Variants in DCDC2 observed in about 807,000 individuals in gnomAD.
DCDC2 encodes doublecortin domain-containing protein 2.
Under a neutral mutation model 50.2 loss-of-function variants are expected in DCDC2, and 40 were observed. The observed-to-expected ratio is 0.80, with a 90% CI of 0.62 to 1.04. The LOEUF (loss-of-function observed/expected upper bound fraction) is 1.04, where lower values mean the gene tolerates loss of function less well. Among genes scored for constraint, DCDC2 ranks in the 50% least tolerant of loss-of-function variants. The probability of loss-of-function intolerance (pLI) is 0.00; values close to 1 mark genes in which losing one functional copy is unlikely to be tolerated. For synonymous variants in DCDC2, 234 were observed against 210.6 expected, an observed-to-expected ratio of 1.11 and a Z score of -0.96; for missense variants, 570 against 581.9, an observed-to-expected ratio of 0.98 and a Z score of 0.21.
At chr6:24,319,607 G>A (rs1759735924) in intron 2 of DCDC2, among the ~76,000 whole-genome samples, 1 of 152,096 alleles carries the variant, frequency 6.6e-6, no homozygotes, top group Non-Finnish European at 1.5e-5. Flanking sequence ...ATTTTGTTAA[G>A]TGAAATACAG....
At chr6:24,271,087 G>A (rs1054508857) in intron 7 of DCDC2, among the ~76,000 whole-genome samples, 1 of 151,334 alleles carries the variant, frequency 6.6e-6, no homozygotes, top group Middle Eastern at 3.4e-3. Context: ...CTTGTGTGGT[G>A]GCACCTGCCT....
At chr6:24,337,474 T>C (rs1192399953) in intron 2 of DCDC2, among the ~76,000 whole-genome samples, 1 of 152,002 alleles carries the variant, frequency 6.6e-6, no homozygotes, top group Non-Finnish European at 1.5e-5. Context: ...CGGCAATATT[T>C]TGTGACTAAT....
chr6:24,198,514 C>T (rs968625984), intron 8 of DCDC2, among the ~76,000 whole-genome samples: 1 of 152,206 alleles, frequency 6.6e-6, no homozygotes, highest in East Asian at 1.9e-4. Flanking sequence ...GACCCGCAGA[C>T]CAGGAGATTC....
chr6:24,368,494 A>G, the DCDC2 span, among the ~76,000 whole-genome samples: 2 of 152,222 alleles, frequency 1.3e-5, no homozygotes, highest in Admixed American at 1.3e-4. Flanking sequence ...AATTCAATTA[A>G]TGACTGATTT....
At chr6:24,336,641 A>T (rs1226478794) in intron 2 of DCDC2, among the ~76,000 whole-genome samples, 2 of 152,170 alleles carry the variant, frequency 1.3e-5, no homozygotes, top group Non-Finnish European at 2.9e-5. Flanking sequence ...TTACATTTAC[A>T]TTTAATGTGC....
At chr6:24,247,316 T>C (rs1441257082) in intron 7 of DCDC2, among the ~76,000 whole-genome samples, 1 of 150,926 alleles carries the variant, frequency 6.6e-6, no homozygotes, top group East Asian at 1.9e-4. Flanking sequence ...TGGATATATA[T>C]ATACATATTT....
chr6:24,263,326 T>C (rs1011743539), intron 7 of DCDC2, among the ~76,000 whole-genome samples: 12 of 152,186 alleles, frequency 7.9e-5, no homozygotes, highest in Non-Finnish European at 1.8e-4. Flanking sequence ...CGTTCAATGC[T>C]CGGACATCAA....
At chr6:24,380,505 T>C in the DCDC2 span, among the ~76,000 whole-genome samples, 1 of 152,038 alleles carries the variant, frequency 6.6e-6, no homozygotes, top group African/African-American at 2.4e-5. Flanking sequence ...TACGAGAGAG[T>C]TCCGTTGCAT....
At chr6:24,291,555 G>A (rs186757638) in intron 4 of DCDC2, among the ~76,000 whole-genome samples, 3 of 138,818 alleles carry the variant, frequency 2.2e-5, no homozygotes, top group African/African-American at 8.0e-5. Context: ...GCAGGATCTC[G>A]GCTCACTGCA....
chr6:24,324,546 C>G (rs1268146756), intron 2 of DCDC2, among the ~76,000 whole-genome samples: 2 of 152,090 alleles, frequency 1.3e-5, no homozygotes, highest in Non-Finnish European at 2.9e-5. Flanking sequence ...TATTTTGCCT[C>G]GTCTCCCTGG....
At chr6:24,296,371 G>A (rs1554117178) in intron 4 of DCDC2, among the ~76,000 whole-genome samples, 1 of 151,966 alleles carries the variant, frequency 6.6e-6, no homozygotes, top group Non-Finnish European at 1.5e-5. Context: ...AACTATAAAA[G>A]CCCTGGAAGA....
chr6:24,229,849 A>T (rs968470874), intron 7 of DCDC2, among the ~76,000 whole-genome samples: 5 of 152,198 alleles, frequency 3.3e-5, no homozygotes, highest in Non-Finnish European at 5.9e-5. Context: ...GACTGATCTC[A>T]GGAGTGTAGA....
chr6:24,221,071 C>T (rs767350048), intron 7 of DCDC2, among the ~76,000 whole-genome samples: 2 of 152,090 alleles, frequency 1.3e-5, no homozygotes, highest in Non-Finnish European at 1.5e-5. Context: ...TGGGTGGGGA[C>T]ACAGAGCCAA....
chr6:24,192,331 G>C (rs1761332586), intron 8 of DCDC2, among the ~76,000 whole-genome samples: 1 of 152,128 alleles, frequency 6.6e-6, no homozygotes, highest in Non-Finnish European at 1.5e-5. Flanking sequence ...ACTGAAACTT[G>C]GAGGAGGCCT....
intron 7 of DCDC2, among the ~76,000 whole-genome samples, chr6:24,274,022 C>T (rs142331079): frequency 2.7e-4 from 41 of 152,298 alleles, no homozygotes; most frequent in Admixed American, 9.8e-4. Context: ...GGCACACAGG[C>T]GTGCCCACTC....
chr6:24,186,991 A>G (rs1761217628), intron 8 of DCDC2, among the ~76,000 whole-genome samples: 1 of 152,192 alleles, frequency 6.6e-6, no homozygotes, highest in Non-Finnish European at 1.5e-5. Context: ...TTGGGCCTCC[A>G]GAGCTGTGAG....
intron 8 of DCDC2, among the ~76,000 whole-genome samples, chr6:24,197,239 G>A (rs970003965): frequency 2.6e-5 from 4 of 152,142 alleles, no homozygotes; most frequent in Non-Finnish European, 4.4e-5. Context: ...AAGGCTGTTC[G>A]AGCATTATCA....
intron 8 of DCDC2, among the ~76,000 whole-genome samples, chr6:24,186,668 C>G (rs1761210538): frequency 6.6e-6 from 1 of 152,148 alleles, no homozygotes; most frequent in Non-Finnish European, 1.5e-5. Flanking sequence ...TCTCCCCGCT[C>G]TACTCATCAC....
chr6:24,300,636 G>C (rs562692028), intron 4 of DCDC2, among the ~76,000 whole-genome samples: 9 of 152,240 alleles, frequency 5.9e-5, no homozygotes, highest in Admixed American at 5.2e-4. Flanking sequence ...ACATTAATCT[G>C]CATACACATT....
Sources: gnomAD v4.1 joint callset for allele counts (sites outside exome capture counted in the v4.1 genomes callset) on GRCh38, gnomAD v4.1.1 for gene constraint, MANE v1.5 for transcripts, NCBI Gene and HGNC (gene_info 2026-07-23, HGNC 2026-07-21) for gene names.